Variants in COBL observed in about 807,000 individuals in gnomAD.
COBL encodes protein cordon-bleu.
Under a neutral mutation model 98.8 loss-of-function variants are expected in COBL, and 51 were observed. The ratio of observed to expected loss-of-function variants is 0.52; its 90% CI spans 0.41 to 0.65. The LOEUF is 0.65. COBL is among the 30% of genes least tolerant of loss of function. The pLI, the probability that COBL is intolerant of heterozygous loss-of-function variation, is 0.00. For missense variants in COBL, 1,617 were observed against 1,617.5 expected (o/e 1.00, Z 0.01); for synonymous variants, 634 against 651.7 (o/e 0.97, Z 0.41).
At chr7:51,060,346 T>C (rs1329249752) in intron 7 of COBL, among the ~76,000 whole-genome samples, 1 of 152,210 alleles carries the variant, frequency 6.6e-6, no homozygotes, top group Non-Finnish European at 1.5e-5. Flanking sequence ...GCCTTATCCA[T>C]TGTCATGGTA....
intron 1 of COBL, among the ~76,000 whole-genome samples, chr7:51,251,703 C>T (rs759094832): frequency 1.3e-4 from 20 of 152,164 alleles, no homozygotes; most frequent in Non-Finnish European, 2.5e-4. Flanking sequence ...ACCAGACATA[C>T]GGTGTACACT....
At chr7:51,232,258 C>CAAAAAAGGAAGAAGAAAACAAT (rs1794820863) in intron 1 of COBL, among the ~76,000 whole-genome samples, 1 of 151,976 alleles carries the variant, frequency 6.6e-6, no homozygotes, top group South Asian at 2.1e-4. Flanking sequence ...CTCATCCCCC[C>CAAAAAAGGAAGAAGAAAACAAT]AAAAAAGGAA....
Position 51,029,394 on chromosome 7 carries a change from C to T in COBL, c.1702G>A (p.Asp568Asn), listed in dbSNP as rs139731072. 1.7e-5 allele frequency: 27 copies of T among 1,612,870 alleles called. No individual in the cohort carries two copies. The highest frequency in any genetic ancestry group is 5.0e-5 in the Admixed American group (3 of 59,980). ...CTCCTGCTGGCAACACCCTCCGAGTCGAAAGACCCAGCATTGTTGTTTCTA... is the reference window on the plus strand; with the variant it reads ...CTCCTGCTGGCAACACCCTCCGAGTTGAAAGACCCAGCATTGTTGTTTCTA... The part of the protein sequence containing the change: ...SNRNNNAGSF[D>N]SEGVASRRDS... Residue 568 changes from aspartate (D) to asparagine (N), a missense_variant, in exon 10 of 13, where the codon GAC becomes AAC. Coordinates refer to ENST00000265136, the MANE Select transcript of COBL (RefSeq NM_015198.5).
intron 6 of COBL, among the ~76,000 whole-genome samples, chr7:51,095,254 A>G (rs1057209325): frequency 6.6e-6 from 1 of 152,140 alleles, no homozygotes; most frequent in Non-Finnish European, 1.5e-5. Context: ...ATCAGATCTC[A>G]TGGGACTTAT....
chr7:51,046,180 T>C (rs559424371), intron 7 of COBL, among the ~76,000 whole-genome samples: 5 of 152,260 alleles, frequency 3.3e-5, no homozygotes, highest in African/African-American at 1.2e-4. Flanking sequence ...AAAGGCCTTC[T>C]GCCAAAGGGG....
chr7:51,282,368 A>G (rs1398895042), intron 1 of COBL, among the ~76,000 whole-genome samples: 1 of 152,124 alleles, frequency 6.6e-6, no homozygotes, highest in Non-Finnish European at 1.5e-5. Flanking sequence ...GGTTAGAGGT[A>G]AACTGATGAA....
At chr7:51,108,184 A>G (rs756011959) in intron 6 of COBL, among the ~76,000 whole-genome samples, 1 of 152,146 alleles carries the variant, frequency 6.6e-6, no homozygotes, top group Non-Finnish European at 1.5e-5. Context: ...TCCTCGGGCC[A>G]ACATTCTGAT....
Position 51,085,269 on chromosome 7 carries a change from C to T in COBL, c.993G>A (p.Lys331=). 6.3e-7 allele frequency: 1 copy of T among 1,585,722 alleles called. No homozygotes were observed. Among genetic ancestry groups the T allele is most frequent in the Non-Finnish European group, 8.6e-7 (1 of 1,165,704 alleles). ...SLGSQIDLQK[K]KRRAPAPPPP... The stretch of plus-strand genomic sequence containing the variant: ...GAGGGGGAGCTGGCGCTCGCCGCTT[C>T]TTCTTCTGTAAATCAATCTGTGACC... The change falls in exon 7 of 13, where the codon AAG becomes AAA. Residue 331 remains lysine, a synonymous_variant. Transcript: ENST00000265136.
intron 2 of COBL, among the ~76,000 whole-genome samples, chr7:51,201,213 C>T (rs564276549): frequency 2.8e-5 from 4 of 144,916 alleles, no homozygotes; most frequent in African/African-American, 1.0e-4. Context: ...GCACTCCAGC[C>T]TGGGTGACAG....
chr7:51,081,901 G>A (rs753896210), intron 7 of COBL, among the ~76,000 whole-genome samples: 1 of 151,826 alleles, frequency 6.6e-6, no homozygotes, highest in South Asian at 2.1e-4. Flanking sequence ...CACGGCTGCA[G>A]TCTTTCTGAT....
intron 7 of COBL, among the ~76,000 whole-genome samples, chr7:51,079,158 A>G (rs1793385478): frequency 6.6e-6 from 1 of 152,190 alleles, no homozygotes. Flanking sequence ...ACACAACTGA[A>G]GGCATCCAGC....
chr7:51,025,284 A>AG lies in COBL; in HGVS notation c.3592dup (p.Leu1198ProfsTer90). 1 of 1,610,788 alleles carries AG rather than the reference A, an allele frequency of 6.2e-7. No homozygotes were observed. The highest frequency in any genetic ancestry group is 8.5e-7 in the Non-Finnish European group (1 of 1,178,860). On this transcript the variant is annotated frameshift_variant, in exon 12 of 13. Coordinates refer to ENST00000265136, the MANE Select transcript of COBL (RefSeq NM_015198.5). LOFTEE classifies it high-confidence loss of function. Reference sequence around the variant, plus strand: ...AATGGCTGGTGGGGACAGAAGACCAAGGTCTTCTAGCAGAGGACTTTCCGA... The same window carrying AG: ...AATGGCTGGTGGGGACAGAAGACCAAGGGTCTTCTAGCAGAGGACTTTCCGA...
At chr7:51,057,333 T>TACACACAC (rs10579615) in intron 7 of COBL, among the ~76,000 whole-genome samples, 1 of 149,110 alleles carries the variant, frequency 6.7e-6, no homozygotes, top group Non-Finnish European at 1.5e-5. Flanking sequence ...CGCACACACA[T>TACACACAC]ACACACACAC....
rs191120726 is a variant in COBL at position 51,140,354 on chromosome 7, G to T, written c.784-4023C>A. On this transcript the variant is annotated intron_variant, in intron 5 of 12. Transcript: ENST00000265136. ...ATAGCCAATTAACTCCTTACATTCAGTGTAAAACATCAGTGATTTGACTCT... is the reference window on the plus strand; with the variant it reads ...ATAGCCAATTAACTCCTTACATTCATTGTAAAACATCAGTGATTTGACTCT... Among the ~76,000 whole-genome samples the T allele has an allele frequency of 2.6e-5, 4 of 152,196 alleles. No individual in the cohort carries two copies. In the East Asian group the frequency reaches 5.8e-4, roughly 22 times the overall value.
chr7:51,315,728 G>A (rs989694794), intron 1 of COBL, among the ~76,000 whole-genome samples: 29 of 152,338 alleles, frequency 1.9e-4, no homozygotes, highest in African/African-American at 6.7e-4. Flanking sequence ...TGAGCACGGC[G>A]CACCTGGCTC....
At chr7:51,256,501 C>T (rs1797209642) in intron 1 of COBL, among the ~76,000 whole-genome samples, 1 of 152,246 alleles carries the variant, frequency 6.6e-6, no homozygotes, top group Non-Finnish European at 1.5e-5. Context: ...TGACCACACC[C>T]ACGTGGGCCT....
In COBL at chr7:51,207,917, T is replaced by G. The variant is rs559623281; in HGVS notation, c.245+11824A>C. 6.0e-3 allele frequency among the ~76,000 whole-genome samples: 878 copies of G among 147,280 alleles called. 7 individuals carry two copies. The highest frequency in any genetic ancestry group is 0.022 in the African/African-American group (851 of 39,468). On this transcript the variant is annotated intron_variant, in intron 2 of 12. Coordinates refer to ENST00000265136, the MANE Select transcript of COBL (RefSeq NM_015198.5). ...TCGTCTGGGATGTGAGGAGCCCCTC[T>G]GCCTGGCTGCCCAGTCTGGAAAGTG... is the stretch of plus-strand genomic sequence containing the variant.
chr7:51,075,195 T>TG (rs1421353796), intron 7 of COBL, among the ~76,000 whole-genome samples: 1 of 152,234 alleles, frequency 6.6e-6, no homozygotes, highest in Non-Finnish European at 1.5e-5. Context: ...GCTACAGATA[T>TG]GACATACTTT....
chr7:51,297,122 C>T lies in COBL; in HGVS notation c.41+19471G>A, dbSNP rs1159014713. Among the ~76,000 whole-genome samples the T allele has an allele frequency of 4.6e-5, 7 of 152,116 alleles. No homozygotes were observed. In the East Asian group the frequency reaches 7.7e-4, roughly 17 times the overall value. On this transcript the variant is annotated intron_variant, in intron 1 of 12. Coordinates refer to ENST00000265136, the MANE Select transcript of COBL (RefSeq NM_015198.5). ...GGTATGTTTCTACTCCAAAGCTCCT[C>T]GGTGACTCGGCTGCACATCCCTGGT... is the stretch of plus-strand genomic sequence containing the variant.
Sources: allele counts gnomAD v4.1 joint callset (sites outside exome capture counted in the v4.1 genomes callset), GRCh38; gene constraint gnomAD v4.1.1; transcripts MANE v1.5; gene names NCBI Gene and HGNC (gene_info 2026-07-23, HGNC 2026-07-21).